The following COMT variants were observed in gnomAD, a reference collection of about 807,000 sequenced individuals.
COMT encodes the protein catechol O-methyltransferase.
COMT carries 13 observed loss-of-function variants against 18.9 expected under a neutral mutation model. The ratio of observed to expected loss-of-function variants is 0.69; its 90% confidence interval spans 0.45 to 1.09. The LOEUF (loss-of-function observed/expected upper bound fraction) is 1.09. Ranked by LOEUF, COMT falls within the 50% of genes least tolerant of loss-of-function variation. The pLI is 0.00. For synonymous variants in COMT, 150 were observed against 160.9 expected (o/e 0.93, Z 0.51); for missense variants, 329 against 361.8 (o/e 0.91, Z 0.73).
intron 1 of COMT, among the ~76,000 whole-genome samples, chr22:19,951,224 T>C (rs1941929055): frequency 6.6e-6 from 1 of 152,068 alleles, no homozygotes; most frequent in South Asian, 2.1e-4. Context: ...CCGGGCGTTG[T>C]GGTGGGCACC....
At position 19,963,771 on chromosome 22, in the gene COMT, T is replaced by G. The variant is rs1241422785; in HGVS notation, c.483+12T>G. ...GCGTGAAGGACAAGGTGTGCATGCC[T>G]GACCCGTTGTCAGACCTGGAAAAAG... On this transcript the variant is annotated intron_variant, in intron 4 of 5. Coordinates refer to ENST00000361682, the MANE Select transcript of COMT (RefSeq NM_000754.4). 6.2e-7 allele frequency: 1 copy of G among 1,607,708 alleles called. No homozygotes were observed. Among genetic ancestry groups the G allele is most frequent in the Admixed American group, 1.7e-5 (1 of 59,888 alleles).
At chr22:19,957,436 G>A (rs948856561) in intron 1 of COMT, among the ~76,000 whole-genome samples, 3 of 152,156 alleles carry the variant, frequency 2.0e-5, no homozygotes, top group Admixed American at 2.0e-4. Context: ...TAAAATAAAG[G>A]CAGATGAATG....
At chr22:19,967,859 G>C (rs532621286) in intron 5 of COMT, among the ~76,000 whole-genome samples, 3 of 152,350 alleles carry the variant, frequency 2.0e-5, no homozygotes, top group Admixed American at 2.0e-4. Flanking sequence ...GCATAGATAG[G>C]CAAGCATCCT....
At chr22:19,953,697 C>T (rs763393209) in intron 1 of COMT, among the ~76,000 whole-genome samples, 4 of 152,176 alleles carry the variant, frequency 2.6e-5, no homozygotes, top group Non-Finnish European at 5.9e-5. Flanking sequence ...CTGCACGTCA[C>T]CCCACTAGGC....
intron 5 of COMT, 57 bp from the exon 6 acceptor site, chr22:19,968,479 G>C: frequency 6.4e-7 from 1 of 1,550,564 alleles, no homozygotes; most frequent in Middle Eastern, 2.0e-4. Context: ...CTGGTTTGGG[G>C]CAGGTTCTCT....
chr22:19,944,377 T>C (rs1290617539), intron 1 of COMT, among the ~76,000 whole-genome samples: 1 of 151,768 alleles, frequency 6.6e-6, no homozygotes, highest in Non-Finnish European at 1.5e-5. Flanking sequence ...CAAAACCCTG[T>C]CTCTACTAAA....
At chr22:19,952,894 T>G (rs1941976129) in intron 1 of COMT, among the ~76,000 whole-genome samples, 1 of 151,392 alleles carries the variant, frequency 6.6e-6, no homozygotes, top group African/African-American at 2.4e-5. Flanking sequence ...GAGGTTGCAG[T>G]GAGCCGAGAT....
chr22:19,959,323 G>C (rs927096068), intron 1 of COMT, among the ~76,000 whole-genome samples: 2 of 152,276 alleles, frequency 1.3e-5, no homozygotes, highest in African/African-American at 2.4e-5. Flanking sequence ...CTTTCGTCCT[G>C]CGAAACTGGG....
At chr22:19,963,228 T>G in intron 3 of COMT, 1 of 497,584 alleles carries the variant, frequency 2.0e-6, no homozygotes, top group Non-Finnish European at 3.6e-6. Context: ...GGCCCCAAGG[T>G]GGGCGGTTCG....
At chr22:19,947,125 A>G (rs1236485011) in intron 1 of COMT, among the ~76,000 whole-genome samples, 3 of 152,022 alleles carry the variant, frequency 2.0e-5, no homozygotes, top group Non-Finnish European at 4.4e-5. Flanking sequence ...CACACTGGCC[A>G]GGCTGGTCTT....
intron 1 of COMT, among the ~76,000 whole-genome samples, chr22:19,944,355 T>C (rs1941800169): frequency 6.6e-6 from 1 of 151,974 alleles, no homozygotes; most frequent in Admixed American, 6.5e-5. Flanking sequence ...GAGACCAGCC[T>C]GGCTAACATG....
intron 1 of COMT, among the ~76,000 whole-genome samples, chr22:19,944,840 A>AACAAAACAAT (rs1483417617): frequency 2.1e-4 from 32 of 152,202 alleles, no homozygotes; most frequent in African/African-American, 7.0e-4. Flanking sequence ...AACAAAACAA[A>AACAAAACAAT]ACAAAACACC....
rs940960866 is a variant in COMT at position 19,969,840 on chromosome 22, G to A, written c.*1104G>A. On this transcript the variant is annotated 3_prime_UTR_variant, in exon 6 of 6. Coordinates refer to ENST00000361682, the MANE Select transcript of COMT (RefSeq NM_000754.4). Reference sequence around the variant, plus strand: ...CCCTGCCCCAGACGCGCAGAGGCCCGACACAAGGGAGAAGCCAGCCACTTG... The same window carrying A: ...CCCTGCCCCAGACGCGCAGAGGCCCAACACAAGGGAGAAGCCAGCCACTTG... 1.3e-4 allele frequency: 127 copies of A among 985,216 alleles called. No homozygotes were observed. The highest frequency in any genetic ancestry group is 1.4e-4 in the Non-Finnish European group (114 of 829,870). 61.0% of individuals were successfully genotyped at this position (985,216 alleles called of 1,614,324 possible). A position where few individuals can be genotyped will look rare whatever the true frequency, so the allele number is the denominator to read the frequency against.
At chr22:19,957,006 A>T (rs1942078624) in intron 1 of COMT, among the ~76,000 whole-genome samples, 2 of 148,754 alleles carry the variant, frequency 1.3e-5, no homozygotes, top group Admixed American at 1.3e-4. Flanking sequence ...GCTGGAGTGC[A>T]GTGGCGTGAT....
At chr22:19,966,926 G>A (rs9332374) in intron 5 of COMT, 7 of 984,648 alleles carry the variant, frequency 7.1e-6, no homozygotes, top group Non-Finnish European at 6.0e-6. Flanking sequence ...TGACACTGTC[G>A]CTTCTCCACG....
At chr22:19,947,139 C>T (rs1941851674) in intron 1 of COMT, among the ~76,000 whole-genome samples, 2 of 152,070 alleles carry the variant, frequency 1.3e-5, no homozygotes, top group African/African-American at 4.8e-5. Flanking sequence ...TGGTCTTGAA[C>T]TCCTGACCCC....
intron 5 of COMT, chr22:19,967,278 C>T (rs773511220): frequency 1.7e-6 from 2 of 1,185,646 alleles, no homozygotes; most frequent in Non-Finnish European, 2.3e-6. Flanking sequence ...AGGCCCCTCA[C>T]TCATGCATTC....
rs780473420 is a variant in COMT, at chr22:19,968,658, G to A, written c.738G>A (p.Ser246=). 9 of 1,613,918 alleles carry A rather than the reference G, an allele frequency of 5.6e-6. No individual in the cohort carries two copies. Among genetic ancestry groups the A allele is most frequent in the Middle Eastern group, 3.3e-4 (2 of 6,084 alleles). The stretch of plus-strand genomic sequence containing the variant: ...GCTTTGAGTGCACACACTACCAATC[G>A]TTCCTGGAATACAGGGAGGTGGTGG... ...SSCFECTHYQ[S]FLEYREVVDG... Residue 246 remains serine (S), a synonymous_variant, in exon 6 of 6, where the codon TCG becomes TCA. Transcript: ENST00000361682.
chr22:19,949,727 C>T (rs1420615163), intron 1 of COMT, among the ~76,000 whole-genome samples: 2 of 152,008 alleles, frequency 1.3e-5, no homozygotes, highest in Non-Finnish European at 2.9e-5. Flanking sequence ...CCCCCTAAAG[C>T]ACTGAGATTA....
Sources: gnomAD v4.1 joint callset for allele counts (sites outside exome capture counted in the v4.1 genomes callset) on GRCh38, gnomAD v4.1.1 for gene constraint, MANE v1.5 for transcripts, NCBI Gene and HGNC (gene_info 2026-07-23, HGNC 2026-07-21) for gene names.